The following LRP1B variants were observed in gnomAD, a reference collection of about 807,000 sequenced individuals.
LRP1B encodes the protein LDL receptor related protein 1B.
LRP1B carries 217 observed loss-of-function variants against 556.6 expected under a neutral mutation model. The ratio of observed to expected loss-of-function variants is 0.39; its 90% CI spans 0.35 to 0.44. LRP1B has a LOEUF of 0.44. Ranked by LOEUF, LRP1B falls within the 20% of genes least tolerant of loss-of-function variation. The pLI is 1.00. For synonymous variants in LRP1B, 2,047 were observed against 1,865.8 expected, an observed-to-expected ratio of 1.10 and a Z score of -2.50; for missense variants, 5,053 against 5,620.8, an observed-to-expected ratio of 0.90 and a Z score of 3.23.
chr2:140,358,190 A>C, intron 73 of LRP1B, 74 bp from the exon 74 acceptor site: 1 of 1,344,554 alleles, frequency 7.4e-7, no homozygotes, highest in Non-Finnish European at 1.0e-6. Context: ...AATAGCTCCA[A>C]AATTTTACTA....
intron 7 of LRP1B, among the ~76,000 whole-genome samples, chr2:141,089,825 C>T (rs1182629356): frequency 8.5e-5 from 13 of 152,204 alleles, no homozygotes; most frequent in Non-Finnish European, 1.5e-5. Flanking sequence ...AGAGACAGTG[C>T]TTCGCCAAAG....
At chr2:141,661,506 A>C (rs1380123044) in intron 2 of LRP1B, among the ~76,000 whole-genome samples, 2 of 152,204 alleles carry the variant, frequency 1.3e-5, no homozygotes, top group African/African-American at 4.8e-5. Context: ...GGACTTGAAA[A>C]ACACAACACG....
At chr2:141,196,602 G>A (rs889599305) in intron 6 of LRP1B, among the ~76,000 whole-genome samples, 1 of 152,038 alleles carries the variant, frequency 6.6e-6, no homozygotes, top group African/African-American at 2.4e-5. Context: ...TAGAGTTAGA[G>A]TTAATTGCTT....
intron 66 of LRP1B, among the ~76,000 whole-genome samples, chr2:140,435,180 T>G (rs1374045313): frequency 6.6e-6 from 1 of 152,166 alleles, no homozygotes; most frequent in Non-Finnish European, 1.5e-5. Flanking sequence ...AAGACAAATA[T>G]TTTTGTTCCA....
intron 41 of LRP1B, among the ~76,000 whole-genome samples, chr2:140,657,610 T>TAC (rs1684932609): frequency 7.4e-6 from 1 of 135,942 alleles, no homozygotes; most frequent in African/African-American, 2.8e-5. Flanking sequence ...TATACATATA[T>TAC]ATACATACAT....
chr2:141,704,828 C>A (rs1029976950), intron 2 of LRP1B, among the ~76,000 whole-genome samples: 2 of 151,886 alleles, frequency 1.3e-5, no homozygotes, highest in Non-Finnish European at 2.9e-5. Context: ...CTATTTCAGG[C>A]TGTTCATATG....
intron 31 of LRP1B, among the ~76,000 whole-genome samples, chr2:140,815,321 C>T (rs181442487): frequency 2.4e-3 from 359 of 150,872 alleles, no homozygotes; most frequent in African/African-American, 8.2e-3. Flanking sequence ...CTTTTTTTTT[C>T]CTGAGAGTTG....
intron 77 of LRP1B, among the ~76,000 whole-genome samples, chr2:140,346,637 A>T (rs1462623293): frequency 1.3e-5 from 2 of 151,892 alleles, no homozygotes. Context: ...GTTTGCCAAG[A>T]CTTTGAAGTG....
chr2:140,991,731 CA>C (rs1432989139), intron 16 of LRP1B, among the ~76,000 whole-genome samples: 1 of 151,776 alleles, frequency 6.6e-6, no homozygotes, highest in Non-Finnish European at 1.5e-5. Flanking sequence ...TATTGAGAGT[CA>C]AAAAAAGATT....
At position 140,683,863 on chromosome 2, in the gene LRP1B, C is replaced by T. The variant is rs1480929241; in HGVS notation, c.6799+16387G>A. 8 of 593,100 alleles carry T rather than the reference C, an allele frequency of 1.3e-5. No homozygotes were observed. The East Asian group carries it at 2.4e-4, about 18-fold the overall frequency. 36.7% of individuals were successfully genotyped at this position (593,100 alleles called of 1,614,324 possible). A position where few individuals can be genotyped will look rare whatever the true frequency, so the allele number is the denominator to read the frequency against. ...CCGACCCCGAAACAGCTCCGCGGCC[C>T]CCTGCGCCTGGGCCCTGGCAGACTG... On this transcript the variant is annotated intron_variant, in intron 41 of 90. Transcript: ENST00000389484.
At chr2:142,089,422 G>T (rs545254021) in intron 1 of LRP1B, among the ~76,000 whole-genome samples, 2 of 152,270 alleles carry the variant, frequency 1.3e-5, no homozygotes, top group East Asian at 3.9e-4. Flanking sequence ...AAATTTAGAA[G>T]GGTTGGAAAA....
At chr2:140,552,720 T>C (rs993857681) in intron 43 of LRP1B, among the ~76,000 whole-genome samples, 6 of 152,266 alleles carry the variant, frequency 3.9e-5, no homozygotes, top group Non-Finnish European at 8.8e-5. Flanking sequence ...CATTATGGCA[T>C]AATCTTAAGG....
At chr2:140,321,497 T>C (rs1032247729) in intron 82 of LRP1B, among the ~76,000 whole-genome samples, 1 of 152,008 alleles carries the variant, frequency 6.6e-6, no homozygotes, top group African/African-American at 2.4e-5. Flanking sequence ...AGTAGTATTG[T>C]AAGTCCCATT....
chr2:141,973,461 A>G (rs1701800948), intron 1 of LRP1B, among the ~76,000 whole-genome samples: 1 of 151,822 alleles, frequency 6.6e-6, no homozygotes, highest in Non-Finnish European at 1.5e-5. Context: ...AAATTTCCTG[A>G]GACCAGAAGG....
chr2:141,603,885 C>G (rs961045866), intron 2 of LRP1B, among the ~76,000 whole-genome samples: 2 of 152,092 alleles, frequency 1.3e-5, no homozygotes, highest in African/African-American at 4.8e-5. Flanking sequence ...TAGGAAAAGG[C>G]CTAACATTGA....
chr2:140,709,713 G>T (rs1030016934), intron 37 of LRP1B, among the ~76,000 whole-genome samples: 1 of 151,848 alleles, frequency 6.6e-6, no homozygotes, highest in East Asian at 1.9e-4. Context: ...TTTTCCCTTG[G>T]CAATACCATC....
At chr2:140,826,381 T>TA (rs1268038596) in intron 31 of LRP1B, among the ~76,000 whole-genome samples, 1 of 152,110 alleles carries the variant, frequency 6.6e-6, no homozygotes, top group Non-Finnish European at 1.5e-5. Flanking sequence ...CATGTTAGGT[T>TA]AATTGGCATG....
intron 3 of LRP1B, among the ~76,000 whole-genome samples, chr2:141,439,125 T>A (rs1286006286): frequency 6.6e-6 from 1 of 152,146 alleles, no homozygotes; most frequent in Non-Finnish European, 1.5e-5. Flanking sequence ...TTTAAAAATG[T>A]TAAGATTTCT....
intron 2 of LRP1B, among the ~76,000 whole-genome samples, chr2:141,669,837 C>T (rs750321105): frequency 2.6e-5 from 4 of 152,112 alleles, no homozygotes; most frequent in African/African-American, 4.8e-5. Flanking sequence ...TCACTGCAAC[C>T]TCTGTCTCCC....
Sources: gnomAD v4.1 joint callset for allele counts (sites outside exome capture counted in the v4.1 genomes callset) on GRCh38, gnomAD v4.1.1 for gene constraint, MANE v1.5 for transcripts, NCBI Gene and HGNC (gene_info 2026-07-23, HGNC 2026-07-21) for gene names.